The following ARHGEF12 variants were observed in gnomAD, a reference collection of about 807,000 sequenced individuals.
The protein encoded by ARHGEF12 is Rho guanine nucleotide exchange factor 12, also known as KMT2A/ARHGEF12 fusion protein.
Under a neutral mutation model 211.2 loss-of-function variants are expected in ARHGEF12, and 66 were observed. That is an observed-to-expected ratio of 0.31 (90% CI 0.26 to 0.38). The LOEUF (loss-of-function observed/expected upper bound fraction) is 0.38. ARHGEF12 is among the 10% of genes least tolerant of loss of function. The probability of loss-of-function intolerance (pLI) is 1.00; values close to 1 mark genes in which losing one functional copy is unlikely to be tolerated. For missense variants in ARHGEF12, 1,429 were observed against 1,869.5 expected, an observed-to-expected ratio of 0.76 and a Z score of 4.34; for synonymous variants, 592 against 638.4, an observed-to-expected ratio of 0.93 and a Z score of 1.09.
intron 1 of ARHGEF12, among the ~76,000 whole-genome samples, chr11:120,339,518 C>G (rs919166717): frequency 8.5e-5 from 13 of 152,138 alleles, no homozygotes; most frequent in African/African-American, 2.9e-4. Flanking sequence ...ATTAACAGCA[C>G]CAGTGTAGCT....
At chr11:120,427,943 G>A (rs914106853) in intron 7 of ARHGEF12, 126 bp from the exon 8 acceptor site, 44 of 706,514 alleles carry the variant, frequency 6.2e-5, no homozygotes, top group Non-Finnish European at 8.8e-5. Flanking sequence ...TGTAGCAGAT[G>A]ATGGGACTGT....
At chr11:120,379,762 A>G (rs1222277778) in intron 1 of ARHGEF12, among the ~76,000 whole-genome samples, 1 of 151,968 alleles carries the variant, frequency 6.6e-6, no homozygotes, top group Non-Finnish European at 1.5e-5. Context: ...TGTTAAACCT[A>G]CCTGGCATTC....
chr11:120,394,729 A>G (rs1481447815), intron 1 of ARHGEF12, among the ~76,000 whole-genome samples: 2 of 151,940 alleles, frequency 1.3e-5, no homozygotes, highest in African/African-American at 4.8e-5. Context: ...TAAATGAAAG[A>G]GGTGACATCA....
chr11:120,362,343 T>G lies in ARHGEF12; in HGVS notation c.32+25068T>G, dbSNP rs146991990. 4.2e-4 allele frequency among the ~76,000 whole-genome samples: 64 copies of G among 152,338 alleles called. No individual in the cohort carries two copies. The East Asian group carries it at 5.8e-3, about 14-fold the overall frequency. On this transcript the variant is annotated intron_variant, in intron 1 of 40. Transcript: ENST00000397843. ...GTTGAAATTACTTAGCTAACCTCAATTTAATGGACTCACTACATTTCCTCT... is the reference window on the plus strand; with the variant it reads ...GTTGAAATTACTTAGCTAACCTCAAGTTAATGGACTCACTACATTTCCTCT...
intron 1 of ARHGEF12, among the ~76,000 whole-genome samples, chr11:120,375,630 A>G (rs1943703827): frequency 6.6e-6 from 1 of 151,824 alleles, no homozygotes. Flanking sequence ...AGAAAATAAC[A>G]TATACCCCAT....
At chr11:120,343,500 A>G (rs937529535) in intron 1 of ARHGEF12, among the ~76,000 whole-genome samples, 2 of 152,234 alleles carry the variant, frequency 1.3e-5, no homozygotes, top group Non-Finnish European at 2.9e-5. Context: ...TATAGTGTCG[A>G]CTTTTAGTAA....
At chr11:120,442,346 C>CT (rs199708925) in intron 15 of ARHGEF12, 144 bp downstream of exon 15, 18,451 of 418,748 alleles carry the variant, frequency 0.044, 159 homozygotes, top group African/African-American at 0.094. Flanking sequence ...TTACTCTAGA[C>CT]TTTTTTTTTT....
rs773639412 is a variant in ARHGEF12, at chr11:120,478,248, T to C, written c.3625T>C (p.Phe1209Leu). ...TSGKSEVRDL[F>L]VAERQFAKEQ... The stretch of plus-strand genomic sequence containing the variant: ...TGGGAAATCAGAGGTACGTGATCTG[T>C]TTGTGGCTGAGAGACAGTTTGCAAA... Residue 1209 changes from phenylalanine to leucine, a missense_variant, in exon 37 of 41, where the codon TTT becomes CTT. This residue lies in a region of ARHGEF12 where 467 missense variants were observed against 468.4 expected (regional missense o/e 1.00). Coordinates refer to ENST00000397843, the MANE Select transcript of ARHGEF12 (RefSeq NM_015313.3). 6 of 1,614,020 alleles carry C rather than the reference T, an allele frequency of 3.7e-6. No individual in the cohort carries two copies. Among genetic ancestry groups the C allele is most frequent in the Non-Finnish European group, 5.1e-6 (6 of 1,180,036 alleles).
At chr11:120,483,480 A>G (rs1301777490) in intron 39 of ARHGEF12, among the ~76,000 whole-genome samples, 1 of 145,632 alleles carries the variant, frequency 6.9e-6, no homozygotes, top group African/African-American at 2.6e-5. Flanking sequence ...CTGGAGTGCA[A>G]TGGTGCAATC....
intron 1 of ARHGEF12, among the ~76,000 whole-genome samples, chr11:120,355,401 G>T (rs1219275726): frequency 6.6e-6 from 1 of 151,896 alleles, no homozygotes; most frequent in African/African-American, 2.4e-5. Context: ...CTCATTCTAG[G>T]TACTTTATAT....
chr11:120,476,216 A>C (rs565042049), intron 33 of ARHGEF12: 4 of 155,512 alleles, frequency 2.6e-5, no homozygotes, highest in African/African-American at 9.6e-5. Context: ...GACTACAGGC[A>C]TGCACCACCA....
rs1211846000 is a variant in ARHGEF12 at position 120,406,100 on chromosome 11, A to AT, written c.33-12dup. 7 of 1,532,034 alleles carry AT rather than the reference A, an allele frequency of 4.6e-6. No homozygotes were observed. The highest frequency in any genetic ancestry group is 6.2e-6 in the Non-Finnish European group (7 of 1,137,668). 94.9% of individuals were successfully genotyped at this position (1,532,034 alleles called of 1,614,324 possible). ...AAGTAAAGTAACTACATCTATCCTT[A>AT]TTTTTTCTTTGTTTCAGGTTTCCCC... On this transcript the variant is annotated splice_polypyrimidine_tract_variant and intron_variant, in intron 1 of 40. Transcript: ENST00000397843.
intron 1 of ARHGEF12, among the ~76,000 whole-genome samples, chr11:120,377,530 A>G (rs907101850): frequency 1.6e-4 from 24 of 151,956 alleles, no homozygotes; most frequent in African/African-American, 5.1e-4. Context: ...TTTTGTAGAG[A>G]TGGGGTCTTT....
intron 1 of ARHGEF12, among the ~76,000 whole-genome samples, chr11:120,361,264 G>T (rs1056790080): frequency 6.6e-6 from 1 of 151,878 alleles, no homozygotes; most frequent in African/African-American, 2.4e-5. Flanking sequence ...CTGTCAGATT[G>T]CTGGGGACGC....
chr11:120,392,542 A>G (rs1944253240), intron 1 of ARHGEF12, among the ~76,000 whole-genome samples: 1 of 152,176 alleles, frequency 6.6e-6, no homozygotes, highest in Non-Finnish European at 1.5e-5. Context: ...TGTAACGGAA[A>G]ACACAAGTCA....
Position 120,379,212 on chromosome 11 carries a change from A to G in ARHGEF12, c.33-26906A>G, listed in dbSNP as rs980954134. On this transcript the variant is annotated intron_variant, in intron 1 of 40. Coordinates refer to ENST00000397843, the MANE Select transcript of ARHGEF12 (RefSeq NM_015313.3). ...TTTGAGGTTATAAATAGCATTTAAA[A>G]TTAATTTTTAATTCTTTATTAATAA... Among the ~76,000 whole-genome samples the G allele has an allele frequency of 1.4e-4, 21 of 152,170 alleles. 1 individual carries two copies. In the South Asian group the frequency reaches 3.3e-3, roughly 24 times the overall value.
intron 1 of ARHGEF12, among the ~76,000 whole-genome samples, chr11:120,397,462 A>G (rs1944425026): frequency 6.6e-6 from 1 of 152,204 alleles, no homozygotes; most frequent in Non-Finnish European, 1.5e-5. Flanking sequence ...ATCAAGGGGG[A>G]GTATAGAACT....
chr11:120,467,218 C>T lies in ARHGEF12; in HGVS notation c.2764C>T (p.Arg922Cys). 1 of 1,612,066 alleles carries T rather than the reference C, an allele frequency of 6.2e-7. No homozygotes were observed. Among genetic ancestry groups the T allele is most frequent in the Non-Finnish European group, 8.5e-7 (1 of 1,178,796 alleles). The change falls in exon 29 of 41, where the codon CGT becomes TGT. Residue 922 changes from arginine to cysteine, a missense_variant. Around this residue, in one of 7 missense-constraint regions of ARHGEF12, gnomAD observed 223 missense variants for 444.6 expected, o/e 0.50. Coordinates refer to ENST00000397843, the MANE Select transcript of ARHGEF12 (RefSeq NM_015313.3). ...VQDAESNPLC[R>C]RLQLKDIIPT... is the part of the protein sequence containing the mutation. ...GGATGCTGAAAGTAATCCACTGTGTCGTCGTCTTCAACTGAAGGATATTAT... is the reference window on the plus strand; with the variant it reads ...GGATGCTGAAAGTAATCCACTGTGTTGTCGTCTTCAACTGAAGGATATTAT...
chr11:120,378,130 A>G (rs1371590902), intron 1 of ARHGEF12, among the ~76,000 whole-genome samples: 1 of 152,122 alleles, frequency 6.6e-6, no homozygotes, highest in Non-Finnish European at 1.5e-5. Context: ...TTACATTCCC[A>G]CTAGAAATGT....
Sources: gnomAD v4.1 joint callset for allele counts (sites outside exome capture counted in the v4.1 genomes callset) on GRCh38, gnomAD v4.1.1 for gene constraint, gnomAD v4.1.1 regional missense constraint, MANE v1.5 for transcripts, NCBI Gene and HGNC (gene_info 2026-07-23, HGNC 2026-07-21) for gene names.